The following JUNB variants were observed in gnomAD, a reference collection of about 807,000 sequenced individuals.
JUNB encodes the protein transcription factor JunB.
A neutral mutation model predicts 16.4 loss-of-function variants in JUNB; 6 were observed. That is an observed-to-expected ratio of 0.37 (90% CI 0.20 to 0.72). The LOEUF (loss-of-function observed/expected upper bound fraction) is 0.72, where lower values mean the gene tolerates loss of function less well. JUNB is among the 30% of genes least tolerant of loss of function. The probability of loss-of-function intolerance (pLI) is 0.53; values close to 1 mark genes in which losing one functional copy is unlikely to be tolerated. For missense variants in JUNB, 389 were observed against 492.9 expected, an observed-to-expected ratio of 0.79 and a Z score of 2.00; for synonymous variants, 226 against 232.8, an observed-to-expected ratio of 0.97 and a Z score of 0.27.
In JUNB at chr19:12,791,831, C is replaced by T; in HGVS notation, c.60C>T (p.Tyr20=). Residue 20 remains tyrosine, a synonymous_variant, in exon 1 of 1, where the codon TAC becomes TAT. Transcript: ENST00000302754. This position sits in a 1 kb window ranked among gnomAD's most constrained non-coding sequence, Gnocchi z 7.0. The part of the protein sequence containing the change: ...YHDDSYTATG[Y]GRAPGGLSLH... Reference sequence around the variant, plus strand: ...ACGACTCATACACAGCTACGGGATACGGCCGGGCCCCTGGTGGCCTCTCTC... The same window carrying T: ...ACGACTCATACACAGCTACGGGATATGGCCGGGCCCCTGGTGGCCTCTCTC... 6.2e-7 allele frequency: 1 copy of T among 1,613,514 alleles called. No homozygotes were observed. Among genetic ancestry groups the T allele is most frequent in the Non-Finnish European group, 8.5e-7 (1 of 1,179,808 alleles).
rs1245715051 is a variant in JUNB, at chr19:12,791,827, G to T, written c.56G>T (p.Gly19Val). The T allele has an allele frequency of 1.2e-6, 2 of 1,613,626 alleles. No homozygotes were observed. The highest frequency in any genetic ancestry group is 3.3e-5 in the Admixed American group (2 of 59,968). The change falls in exon 1 of 1, where the codon GGA (glycine) becomes GTA (valine). Residue 19 changes from glycine (G) to valine (V), a missense_variant. By Grantham distance (109) the Gly-to-Val change is moderately radical. Transcript: ENST00000302754. This position sits in a 1 kb window ranked among gnomAD's most constrained non-coding sequence, Gnocchi z 7.0. ...FYHDDSYTAT[G>V]YGRAPGGLSL... ...CACGACGACTCATACACAGCTACGG[G>T]ATACGGCCGGGCCCCTGGTGGCCTC...
chr19:12,791,655 C>A lies in JUNB; in HGVS notation c.-117C>A. 2.8e-6 allele frequency: 2 copies of A among 718,034 alleles called. No individual in the cohort carries two copies. Among genetic ancestry groups the A allele is most frequent in the Non-Finnish European group, 4.2e-6 (2 of 471,120 alleles). The allele number at this position is 718,034 out of a possible 1,614,324, so 44.5% of individuals were successfully genotyped here. ...GCTGCTACCCGCCCGCGCCAGCCCC[C>A]GAGAACGCGCGACCAGGCACCCAGT... On this transcript the variant is annotated 5_prime_UTR_variant, in exon 1 of 1. Coordinates refer to ENST00000302754, the MANE Select transcript of JUNB (RefSeq NM_002229.3). The surrounding 1 kb of genome is among the most constrained non-coding windows in gnomAD (Gnocchi z 7.0).
rs1173407978 is a variant in JUNB, at chr19:12,791,945, C to A, written c.174C>A (p.Pro58=). 1 of 1,611,254 alleles carries A rather than the reference C, an allele frequency of 6.2e-7. No homozygotes were observed. ...TCAAAGCGCCTGGGGCTCGCGGACC[C>A]GGCCCAGAGGGCGGCGGTGGCGGCA... ...RSLKAPGARG[P]GPEGGGGGSY... Residue 58 remains proline (P), a synonymous_variant, in exon 1 of 1, where the codon CCC becomes CCA. Transcript: ENST00000302754. This position sits in a 1 kb window ranked among gnomAD's most constrained non-coding sequence, Gnocchi z 7.0.
At position 12,792,866 on chromosome 19, in the gene JUNB, C is replaced by T. The variant is rs371034226; in HGVS notation, c.*51C>T. 1.3e-4 allele frequency: 203 copies of T among 1,550,048 alleles called. No individual in the cohort carries two copies. The highest frequency in any genetic ancestry group is 1.2e-3 in the African/African-American group (86 of 73,384). ...CCCCTCGCTTGGACGGCTGGGCACA[C>T]GCCTCCCACTGGGGTCCAGGGAGCA... On this transcript the variant is annotated 3_prime_UTR_variant, in exon 1 of 1. Coordinates refer to ENST00000302754, the MANE Select transcript of JUNB (RefSeq NM_002229.3).
chr19:12,791,578 G>A lies in JUNB; in HGVS notation c.-194G>A. The A allele has an allele frequency of 1.9e-6, 1 of 515,798 alleles. No homozygotes were observed. The highest frequency in any genetic ancestry group is 2.9e-5 in the South Asian group (1 of 34,418). The allele number at this position is 515,798 out of a possible 1,614,324, so 32.0% of individuals were successfully genotyped here. A position where few individuals can be genotyped will look rare whatever the true frequency, so the allele number is the denominator to read the frequency against. On this transcript the variant is annotated 5_prime_UTR_variant, in exon 1 of 1. Coordinates refer to ENST00000302754, the MANE Select transcript of JUNB (RefSeq NM_002229.3). The surrounding 1 kb of genome is among the most constrained non-coding windows in gnomAD (Gnocchi z 7.0). ...CAGGAAAGCTATCGCGCCAGAGAGGGCGACGGGGGCTCGGGAAGCCTGACA... is the reference window on the plus strand; with the variant it reads ...CAGGAAAGCTATCGCGCCAGAGAGGACGACGGGGGCTCGGGAAGCCTGACA...
chr19:12,792,995 C>A lies in JUNB; in HGVS notation c.*180C>A. On this transcript the variant is annotated 3_prime_UTR_variant, in exon 1 of 1. Coordinates refer to ENST00000302754, the MANE Select transcript of JUNB (RefSeq NM_002229.3). ...CTTCCACCTCGACGTTTACAAGCCCCCCCTTCCACTTTTTTTTGTATGTTT... is the reference window on the plus strand; with the variant it reads ...CTTCCACCTCGACGTTTACAAGCCCACCCTTCCACTTTTTTTTGTATGTTT... 1.6e-6 allele frequency: 1 copy of A among 610,096 alleles called. No individual in the cohort carries two copies. Among genetic ancestry groups the A allele is most frequent in the South Asian group, 2.3e-5 (1 of 42,978 alleles). The allele number at this position is 610,096 out of a possible 1,614,324, so 37.8% of individuals were successfully genotyped here. A position where few individuals can be genotyped will look rare whatever the true frequency, so the allele number is the denominator to read the frequency against.
chr19:12,791,820 G>A lies in JUNB; in HGVS notation c.49G>A (p.Ala17Thr), dbSNP rs1205150783. The A allele has an allele frequency of 1.2e-6, 2 of 1,613,636 alleles. No homozygotes were observed. The highest frequency in any genetic ancestry group is 1.7e-6 in the Non-Finnish European group (2 of 1,179,858). Residue 17 changes from alanine (A) to threonine (T), a missense_variant, in exon 1 of 1, where the codon GCT (alanine) becomes ACT (threonine). Physicochemically the swap from Ala to Thr is moderately conservative, Grantham distance 58. Around this residue, in one of 2 missense-constraint regions of JUNB, gnomAD observed 349 missense variants for 389.8 expected, o/e 0.90. Coordinates refer to ENST00000302754, the MANE Select transcript of JUNB (RefSeq NM_002229.3). The surrounding 1 kb of genome is among the most constrained non-coding windows in gnomAD (Gnocchi z 7.0). Reference protein sequence around the residue: ...QPFYHDDSYTATGYGRAPGGL... With the variant: ...QPFYHDDSYTTTGYGRAPGGL... ...CTTCTACCACGACGACTCATACACA[G>A]CTACGGGATACGGCCGGGCCCCTGG...
chr19:12,792,611 G>C lies in JUNB; in HGVS notation c.840G>C (p.Leu280=). 1 of 1,558,562 alleles carries C rather than the reference G, an allele frequency of 6.4e-7. No homozygotes were observed. The highest frequency in any genetic ancestry group is 8.7e-7 in the Non-Finnish European group (1 of 1,152,350). The part of the protein sequence containing the change: ...KVERKRLRNR[L]AATKCRKRKL... Reference sequence around the variant, plus strand: ...AGCGCAAGCGGCTGCGGAACCGGCTGGCGGCCACCAAGTGCCGGAAGCGGA... The same window carrying C: ...AGCGCAAGCGGCTGCGGAACCGGCTCGCGGCCACCAAGTGCCGGAAGCGGA... The change falls in exon 1 of 1, where the codon CTG becomes CTC. Residue 280 remains leucine, a synonymous_variant. Transcript: ENST00000302754.
Position 12,793,099 on chromosome 19 carries a change from A to C in JUNB, c.*284A>C. 1 of 328,826 alleles carries C rather than the reference A, an allele frequency of 3.0e-6. No homozygotes were observed. Among genetic ancestry groups the C allele is most frequent in the Non-Finnish European group, 6.0e-6 (1 of 166,450 alleles). 20.4% of individuals were successfully genotyped at this position (328,826 alleles called of 1,614,324 possible). Reference sequence around the variant, plus strand: ...TTAACAGGGAGGGGAAGAGGGGGCGATCGCGGCGGAGCTGGCCCCGCCGCC... The same window carrying C: ...TTAACAGGGAGGGGAAGAGGGGGCGCTCGCGGCGGAGCTGGCCCCGCCGCC... On this transcript the variant is annotated 3_prime_UTR_variant, in exon 1 of 1. Transcript: ENST00000302754. The surrounding 1 kb of genome is among the most constrained non-coding windows in gnomAD (Gnocchi z 6.1).
rs566143821 is a variant in JUNB at position 12,791,841 on chromosome 19, C to T, written c.70C>T (p.Pro24Ser). The change falls in exon 1 of 1, where the codon CCT (proline) becomes TCT (serine). Residue 24 changes from proline (P) to serine (S), a missense_variant. Physicochemically the swap from Pro to Ser is moderately conservative, Grantham distance 74. This residue lies in a region of JUNB where 349 missense variants were observed against 389.8 expected (regional missense o/e 0.90). Coordinates refer to ENST00000302754, the MANE Select transcript of JUNB (RefSeq NM_002229.3). The surrounding 1 kb of genome is among the most constrained non-coding windows in gnomAD (Gnocchi z 7.0). ...CACAGCTACGGGATACGGCCGGGCC[C>T]CTGGTGGCCTCTCTCTACACGACTA... ...SYTATGYGRAPGGLSLHDYKL... is the reference protein window; with the variant it reads ...SYTATGYGRASGGLSLHDYKL... 42 of 1,613,590 alleles carry T rather than the reference C, an allele frequency of 2.6e-5. 1 individual carries two copies. The South Asian group carries it at 4.3e-4, about 16-fold the overall frequency.
Position 12,791,600 on chromosome 19 carries a change from G to A in JUNB, c.-172G>A, listed in dbSNP as rs1036884106. 4 of 530,818 alleles carry A rather than the reference G, an allele frequency of 7.5e-6. No individual in the cohort carries two copies. The highest frequency in any genetic ancestry group is 4.1e-5 in the African/African-American group (2 of 49,270). 32.9% of individuals were successfully genotyped at this position (530,818 alleles called of 1,614,324 possible). A position where few individuals can be genotyped will look rare whatever the true frequency, so the allele number is the denominator to read the frequency against. ...AGGGCGACGGGGGCTCGGGAAGCCT[G>A]ACAGGGCTTTTGCGCACAGCTGCCG... On this transcript the variant is annotated 5_prime_UTR_variant, in exon 1 of 1. Coordinates refer to ENST00000302754, the MANE Select transcript of JUNB (RefSeq NM_002229.3). This position sits in a 1 kb window ranked among gnomAD's most constrained non-coding sequence, Gnocchi z 7.0.
At position 12,792,879 on chromosome 19, in the gene JUNB, G is replaced by A. The variant is rs1432593601; in HGVS notation, c.*64G>A. The A allele has an allele frequency of 6.6e-7, 1 of 1,522,192 alleles. No homozygotes were observed. Among genetic ancestry groups the A allele is most frequent in the African/African-American group, 1.4e-5 (1 of 72,184 alleles). 94.3% of individuals were successfully genotyped at this position (1,522,192 alleles called of 1,614,324 possible). On this transcript the variant is annotated 3_prime_UTR_variant, in exon 1 of 1. Coordinates refer to ENST00000302754, the MANE Select transcript of JUNB (RefSeq NM_002229.3). ...CGGCTGGGCACACGCCTCCCACTGG[G>A]GTCCAGGGAGCAGGCGGTGGGCACC...
Position 12,792,261 on chromosome 19 carries a change from G to T in JUNB, c.490G>T (p.Gly164Trp). The change falls in exon 1 of 1, where the codon GGG (glycine) becomes TGG (tryptophan). Residue 164 changes from glycine to tryptophan, a missense_variant. Transcript: ENST00000302754. Reference protein sequence around the residue: ...PPNVSLGATGGPPAGPGGVYA... With the variant: ...PPNVSLGATGWPPAGPGGVYA... The stretch of plus-strand genomic sequence containing the variant: ...CAACGTGTCCCTGGGCGCTACCGGG[G>T]GGCCCCCGGCTGGGCCCGGGGGCGT... 6.7e-7 allele frequency: 1 copy of T among 1,497,160 alleles called. No homozygotes were observed. Among genetic ancestry groups the T allele is most frequent in the Non-Finnish European group, 8.9e-7 (1 of 1,120,996 alleles). 92.7% of individuals were successfully genotyped at this position (1,497,160 alleles called of 1,614,324 possible). A position where few individuals can be genotyped will look rare whatever the true frequency, so the allele number is the denominator to read the frequency against.
chr19:12,792,262 G>C lies in JUNB; in HGVS notation c.491G>C (p.Gly164Ala). Reference protein sequence around the residue: ...PPNVSLGATGGPPAGPGGVYA... With the variant: ...PPNVSLGATGAPPAGPGGVYA... ...AACGTGTCCCTGGGCGCTACCGGGG[G>C]GCCCCCGGCTGGGCCCGGGGGCGTC... Residue 164 changes from glycine to alanine, a missense_variant, in exon 1 of 1, where the codon GGG (glycine) becomes GCG (alanine). Coordinates refer to ENST00000302754, the MANE Select transcript of JUNB (RefSeq NM_002229.3). 6.7e-7 allele frequency: 1 copy of C among 1,495,774 alleles called. No individual in the cohort carries two copies. The highest frequency in any genetic ancestry group is 1.3e-5 in the South Asian group (1 of 77,414). The allele number at this position is 1,495,774 out of a possible 1,614,324, so 92.7% of individuals were successfully genotyped here. A position where few individuals can be genotyped will look rare whatever the true frequency, so the allele number is the denominator to read the frequency against.
chr19:12,792,482 C>T lies in JUNB; in HGVS notation c.711C>T (p.Ser237=), dbSNP rs1968732731. The change falls in exon 1 of 1, where the codon TCC becomes TCT. Residue 237 remains serine, a synonymous_variant. Transcript: ENST00000302754. ...PAQLGLGRGA[S]TFKEEPQTVP... ...AGCTGGGCTTGGGCCGCGGCGCCTC[C>T]ACCTTCAAGGAGGAACCGCAGACCG... The T allele has an allele frequency of 6.3e-7, 1 of 1,588,264 alleles. No individual in the cohort carries two copies. The highest frequency in any genetic ancestry group is 1.8e-5 in the Admixed American group (1 of 57,026).
chr19:12,792,701 G>C lies in JUNB; in HGVS notation c.930G>C (p.Leu310=). ...CGCTCAAGGCCGAGAACGCGGGGCT[G>C]TCGAGTACCGCCGGCCTCCTCCGGG... ...VKTLKAENAG[L]SSTAGLLREQ... Residue 310 remains leucine, a synonymous_variant, in exon 1 of 1, where the codon CTG becomes CTC. Coordinates refer to ENST00000302754, the MANE Select transcript of JUNB (RefSeq NM_002229.3). The C allele has an allele frequency of 6.3e-7, 1 of 1,596,644 alleles. No individual in the cohort carries two copies. Among genetic ancestry groups the C allele is most frequent in the South Asian group, 1.1e-5 (1 of 88,684 alleles).
rs752322541 is a variant in JUNB at position 12,791,903 on chromosome 19, C to A, written c.132C>A (p.Ala44=). The change falls in exon 1 of 1, where the codon GCC becomes GCA. Residue 44 remains alanine, a synonymous_variant. Transcript: ENST00000302754. This position sits in a 1 kb window ranked among gnomAD's most constrained non-coding sequence, Gnocchi z 7.0. The part of the protein sequence containing the change: ...LLKPSLAVNL[A]DPYRSLKAPG... ...AACCGAGCCTGGCGGTCAACCTGGCCGACCCCTACCGGAGTCTCAAAGCGC... is the reference window on the plus strand; with the variant it reads ...AACCGAGCCTGGCGGTCAACCTGGCAGACCCCTACCGGAGTCTCAAAGCGC... 6.2e-7 allele frequency: 1 copy of A among 1,613,266 alleles called. No homozygotes were observed. The highest frequency in any genetic ancestry group is 8.5e-7 in the Non-Finnish European group (1 of 1,179,860).
rs761920941 is a variant in JUNB, at chr19:12,791,511, C to T, written c.-261C>T. 15 of 432,484 alleles carry T rather than the reference C, an allele frequency of 3.5e-5. No homozygotes were observed. Among genetic ancestry groups the T allele is most frequent in the South Asian group, 7.6e-5 (2 of 26,248 alleles). 26.8% of individuals were successfully genotyped at this position (432,484 alleles called of 1,614,324 possible). On this transcript the variant is annotated 5_prime_UTR_variant, in exon 1 of 1. Transcript: ENST00000302754. This position sits in a 1 kb window ranked among gnomAD's most constrained non-coding sequence, Gnocchi z 7.0. ...GGGACCTTGAGAGCGGCCAGGCCAG[C>T]CTCGGAGCCAGCAGGGAGCTGGGAG...
In JUNB at chr19:12,793,028, G is replaced by T; in HGVS notation, c.*213G>T. The T allele has an allele frequency of 1.7e-6, 1 of 573,546 alleles. No homozygotes were observed. Among genetic ancestry groups the T allele is most frequent in the Non-Finnish European group, 3.2e-6 (1 of 313,492 alleles). 35.5% of individuals were successfully genotyped at this position (573,546 alleles called of 1,614,324 possible). A position where few individuals can be genotyped will look rare whatever the true frequency, so the allele number is the denominator to read the frequency against. On this transcript the variant is annotated 3_prime_UTR_variant, in exon 1 of 1. Transcript: ENST00000302754. The surrounding 1 kb of genome is among the most constrained non-coding windows in gnomAD (Gnocchi z 6.1). ...ACTTTTTTTTGTATGTTTTTTTTCT[G>T]CTGGAAACAGACTCGATTCATATTG...
Sources: allele counts gnomAD v4.1 joint callset, GRCh38; gene constraint gnomAD v4.1.1; regional missense constraint gnomAD v4.1.1; non-coding constraint Gnocchi (gnomAD v3.1); transcripts MANE v1.5; gene names NCBI Gene and HGNC (gene_info 2026-07-23, HGNC 2026-07-21).